Variants in HLA-DPA1 observed in about 807,000 individuals in gnomAD.
The protein encoded by HLA-DPA1 is HLA class II histocompatibility antigen, DP alpha 1 chain.
A neutral mutation model predicts 21.5 loss-of-function variants in HLA-DPA1; 20 were observed. The ratio of observed to expected loss-of-function variants is 0.93; its 90% CI spans 0.66 to 1.35. The LOEUF (loss-of-function observed/expected upper bound fraction) is 1.35. Among genes scored for constraint, HLA-DPA1 ranks in the 40% most tolerant of loss-of-function variants. The probability of loss-of-function intolerance (pLI) is 0.00; values close to 1 mark genes in which losing one functional copy is unlikely to be tolerated. For synonymous variants in HLA-DPA1, 123 were observed against 129.6 expected, an observed-to-expected ratio of 0.95 and a Z score of 0.35; for missense variants, 279 against 323.0, an observed-to-expected ratio of 0.86 and a Z score of 1.05.
rs1583101163 is a variant in HLA-DPA1 at position 33,073,773 on chromosome 6, C to T, written c.-99-104G>A. On this transcript the variant is annotated intron_variant, in intron 1 of 5. Transcript: ENST00000419277. ...TGGGTAAAGAGGACGCTGGAAGGTG[C>T]TGGGGAAGAGATGGGAGAATTTTAG... 3 of 539,970 alleles carry T rather than the reference C, an allele frequency of 5.6e-6. No homozygotes were observed. In the East Asian group the frequency reaches 8.9e-5, roughly 16 times the overall value. 33.4% of individuals were successfully genotyped at this position (539,970 alleles called of 1,614,324 possible).
At chr6:33,075,932 G>A (rs1762510738) in intron 1 of HLA-DPA1, 1 of 758,330 alleles carries the variant, frequency 1.3e-6, no homozygotes, top group African/African-American at 1.8e-5. Context: ...CAGGGTCACA[G>A]AAGACTACTT....
chr6:33,068,959 A>G (rs1163873053), intron 4 of HLA-DPA1, 60 bp downstream of exon 3: 1 of 1,571,678 alleles, frequency 6.4e-7, no homozygotes, highest in Non-Finnish European at 8.7e-7. Flanking sequence ...GGTGCAGAGG[A>G]CACCAGGTCT....
intron 1 of HLA-DPA1, chr6:33,075,959 A>G (rs1256883877): frequency 4.8e-6 from 5 of 1,035,684 alleles, no homozygotes; most frequent in African/African-American, 1.6e-5. Flanking sequence ...ATGGTCTCTA[A>G]TATTTCAAAC....
intron 1 of HLA-DPA1, among the ~76,000 whole-genome samples, chr6:33,074,882 C>T (rs1209717815): frequency 6.6e-6 from 1 of 152,136 alleles, no homozygotes; most frequent in East Asian, 1.9e-4. Flanking sequence ...CTCTCCTGGC[C>T]CCTTAATCCT....
chr6:33,075,637 C>G (rs1213833718), intron 1 of HLA-DPA1, among the ~76,000 whole-genome samples: 7 of 151,930 alleles, frequency 4.6e-5, no homozygotes, highest in African/African-American at 1.7e-4. Flanking sequence ...CAGACCATGT[C>G]CTGTGGGTGT....
chr6:33,068,602 T>G (rs774053198), intron 5 of HLA-DPA1, 36 bp downstream of exon 4: 2 of 1,525,732 alleles, frequency 1.3e-6, no homozygotes, highest in South Asian at 2.4e-5. Flanking sequence ...TTCCTTACAT[T>G]CTACAAATCC....
intron 3 of HLA-DPA1, 49 bp downstream of exon 2, chr6:33,069,592 T>G (rs1322929522): frequency 6.2e-7 from 1 of 1,604,778 alleles, no homozygotes; most frequent in African/African-American, 1.3e-5. Flanking sequence ...AGAGGCCCTC[T>G]CATCCCTTCC....
At chr6:33,078,470 GA>G (rs1554185023) in intron 1 of HLA-DPA1, among the ~76,000 whole-genome samples, 2 of 152,154 alleles carry the variant, frequency 1.3e-5, no homozygotes, top group Non-Finnish European at 1.5e-5. Flanking sequence ...GGCTGGGGGA[GA>G]AAAGCTTGGC....
At chr6:33,069,837 T>C in exon 3 of HLA-DPA1, 1 of 1,610,216 alleles carries the variant, frequency 6.2e-7, no homozygotes, top group South Asian at 1.1e-5. Context: ...TAAACTCCCC[T>C]GTTGGTCTAT....
chr6:33,067,604 T>A (rs528757591), intron 5 of HLA-DPA1: 1 of 152,314 alleles, frequency 6.6e-6, no homozygotes, highest in East Asian at 1.9e-4. Flanking sequence ...AATGGACTAA[T>A]GCATGGACAT....
At position 33,071,644 on chromosome 6, in the gene HLA-DPA1, G is replaced by C. The variant is rs545292160; in HGVS notation, c.101-1758C>G. ...CGTCCTGTTCTGCAGACGCGTATAA[G>C]TCACAGAAGGAAACACAAGTGACAG... On this transcript the variant is annotated intron_variant, in intron 2 of 5. Coordinates refer to ENST00000419277, the Ensembl canonical transcript of HLA-DPA1. 2.3e-3 allele frequency among the ~76,000 whole-genome samples: 350 copies of C among 152,048 alleles called. 1 individual carries two copies. The highest frequency in any genetic ancestry group is 0.02 in the East Asian group (104 of 5,146).
rs1398465058 is a variant in HLA-DPA1, at chr6:33,068,808, G to A, written c.629-4C>T. The stretch of plus-strand genomic sequence containing the variant: ...ATCTGGATTGGCTCTTGGGCCTCTG[G>A]GGGAAGAATGAAGAGATAGGGTCAG... On this transcript the variant is annotated splice_region_variant and splice_polypyrimidine_tract_variant and intron_variant, in intron 4 of 5. Transcript: ENST00000419277. The A allele has an allele frequency of 1.2e-6, 2 of 1,612,690 alleles. No homozygotes were observed. The highest frequency in any genetic ancestry group is 1.7e-6 in the Non-Finnish European group (2 of 1,179,752).
intron 5 of HLA-DPA1, chr6:33,067,167 C>T (rs1761999795): frequency 6.6e-6 from 1 of 152,088 alleles, no homozygotes. Flanking sequence ...ATCCAGGTAT[C>T]CCAGGAGCAA....
chr6:33,068,042 G>T (rs1334959389), intron 5 of HLA-DPA1: 1 of 152,214 alleles, frequency 6.6e-6, no homozygotes, highest in Non-Finnish European at 1.5e-5. Flanking sequence ...ATAAAGCATG[G>T]TGAGTGTTAT....
intron 1 of HLA-DPA1, among the ~76,000 whole-genome samples, chr6:33,077,180 T>G (rs1471396946): frequency 6.6e-6 from 1 of 151,444 alleles, no homozygotes; most frequent in African/African-American, 2.4e-5. Flanking sequence ...TTTGGTTTTT[T>G]GTCCTTGCAA....
intron 2 of HLA-DPA1, among the ~76,000 whole-genome samples, chr6:33,072,129 T>C (rs1204664100): frequency 6.6e-6 from 1 of 152,136 alleles, no homozygotes; most frequent in African/African-American, 2.4e-5. Flanking sequence ...ACAGGGTAGT[T>C]CATCAGAAAG....
chr6:33,077,350 G>T (rs1004996402), intron 1 of HLA-DPA1, among the ~76,000 whole-genome samples: 1 of 152,024 alleles, frequency 6.6e-6, no homozygotes, highest in Admixed American at 6.6e-5. Context: ...CCAAGTCTTT[G>T]CTATTGTGAA....
chr6:33,067,163 G>A (rs1395778684), intron 5 of HLA-DPA1: 1 of 152,180 alleles, frequency 6.6e-6, no homozygotes, highest in Non-Finnish European at 1.5e-5. Context: ...AATGATCCAG[G>A]TATCCCAGGA....
In HLA-DPA1 at chr6:33,080,400, T is replaced by C; in HGVS notation, c.-100+280A>G. ...CCAGCCACCAGCAGAAGGGACTGCCTTCCCCTCAGTGCTCGCCCCTCCCTA... is the reference window on the plus strand; with the variant it reads ...CCAGCCACCAGCAGAAGGGACTGCCCTCCCCTCAGTGCTCGCCCCTCCCTA... On this transcript the variant is annotated intron_variant, in intron 1 of 5. Transcript: ENST00000419277. The surrounding 1 kb of genome is among the most constrained non-coding windows in gnomAD (Gnocchi z 4.3). The C allele has an allele frequency of 1.5e-6, 1 of 656,376 alleles. No homozygotes were observed. Among genetic ancestry groups the C allele is most frequent in the Non-Finnish European group, 2.9e-6 (1 of 349,500 alleles). 40.7% of individuals were successfully genotyped at this position (656,376 alleles called of 1,614,324 possible). A position where few individuals can be genotyped will look rare whatever the true frequency, so the allele number is the denominator to read the frequency against.
Sources: gnomAD v4.1 joint callset for allele counts (sites outside exome capture counted in the v4.1 genomes callset) on GRCh38, gnomAD v4.1.1 for gene constraint, Gnocchi (gnomAD v3.1) non-coding constraint, MANE v1.5 for transcripts, NCBI Gene and HGNC (gene_info 2026-07-23, HGNC 2026-07-21) for gene names.